Variants in BTBD7 observed in about 807,000 individuals in gnomAD.
The protein encoded by BTBD7 is BTB/POZ domain-containing protein 7.
A neutral mutation model predicts 99.9 loss-of-function variants in BTBD7; 38 were observed. That is an observed-to-expected ratio of 0.38 (90% confidence interval 0.29 to 0.50). The LOEUF (loss-of-function observed/expected upper bound fraction) is 0.50. Ranked by LOEUF, BTBD7 falls within the 20% of genes least tolerant of loss-of-function variation. BTBD7 has a pLI of 0.93. For synonymous variants in BTBD7, 520 were observed against 511.4 expected (o/e 1.02, Z -0.23); for missense variants, 1,170 against 1,394.6 (o/e 0.84, Z 2.57).
At chr14:93,321,363 C>T (rs186381729) in intron 1 of BTBD7, among the ~76,000 whole-genome samples, 10 of 152,254 alleles carry the variant, frequency 6.6e-5, no homozygotes, top group Admixed American at 4.6e-4. Flanking sequence ...GAGGCCTAGG[C>T]GGGTGGATCG....
intron 1 of BTBD7, among the ~76,000 whole-genome samples, chr14:93,311,932 T>TACTTA (rs144195514): frequency 0.38 from 57,948 of 151,048 alleles, 12,274 homozygotes; most frequent in African/African-American, 0.58. Flanking sequence ...GTTATATAAT[T>TACTTA]AAACATTTAA....
At chr14:93,312,096 C>T (rs75919970) in intron 1 of BTBD7, among the ~76,000 whole-genome samples, 6,313 of 152,084 alleles carry the variant, frequency 0.042, 442 homozygotes, top group African/African-American at 0.14. Flanking sequence ...GGCTATTATC[C>T]GTTGGTTCCC....
At chr14:93,300,257 C>CTTTTTT (rs35598735) in intron 1 of BTBD7, among the ~76,000 whole-genome samples, 1 of 119,648 alleles carries the variant, frequency 8.4e-6, no homozygotes, top group Non-Finnish European at 1.7e-5. Flanking sequence ...TTTCTTTGTT[C>CTTTTTT]TTTTTTTTTT....
chr14:93,254,601 C>T (rs1006690227), intron 6 of BTBD7, among the ~76,000 whole-genome samples: 1 of 152,166 alleles, frequency 6.6e-6, no homozygotes, highest in African/African-American at 2.4e-5. Context: ...TGGACATCTC[C>T]TTTACCTGGG....
intron 7 of BTBD7, 94 bp downstream of exon 7, chr14:93,253,553 C>T (rs1429621445): frequency 1.3e-5 from 15 of 1,139,236 alleles, no homozygotes; most frequent in Non-Finnish European, 1.8e-5. Flanking sequence ...AAAATATAGG[C>T]TATTTCCAAA....
At chr14:93,302,851 A>C (rs1407985952) in intron 1 of BTBD7, among the ~76,000 whole-genome samples, 1 of 151,958 alleles carries the variant, frequency 6.6e-6, no homozygotes, top group Non-Finnish European at 1.5e-5. Context: ...TCAAAAACAA[A>C]ACAAAAAACC....
intron 1 of BTBD7, among the ~76,000 whole-genome samples, chr14:93,331,879 T>TTCCCC (rs2053423174): frequency 3.8e-5 from 5 of 133,114 alleles, no homozygotes; most frequent in African/African-American, 1.7e-4. Context: ...AGACTCCGTC[T>TTCCCC]CCCCCCCCCC....
intron 1 of BTBD7, among the ~76,000 whole-genome samples, chr14:93,327,299 T>C (rs576181060): frequency 9.9e-5 from 15 of 152,270 alleles, no homozygotes; most frequent in Non-Finnish European, 1.5e-4. Flanking sequence ...AATGCCCCTG[T>C]GCCAGGCACA....
intron 10 of BTBD7, chr14:93,244,138 C>CAA: frequency 4.1e-6 from 2 of 481,974 alleles, no homozygotes; most frequent in Non-Finnish European, 8.2e-6. Flanking sequence ...TGACAGGAAG[C>CAA]AGAGTGACTA....
intron 3 of BTBD7, chr14:93,287,844 G>A (rs964690452): frequency 7.2e-5 from 11 of 152,176 alleles, no homozygotes; most frequent in Admixed American, 2.6e-4. Context: ...GGTTTGCTTC[G>A]TCATTTGGTG....
chr14:93,319,269 G>A (rs545142195), intron 1 of BTBD7, among the ~76,000 whole-genome samples: 1 of 152,292 alleles, frequency 6.6e-6, no homozygotes, highest in African/African-American at 2.4e-5. Context: ...TCTGGTCCTT[G>A]CAGGATGTTA....
At chr14:93,252,582 C>T (rs1356732875) in intron 7 of BTBD7, among the ~76,000 whole-genome samples, 4 of 151,444 alleles carry the variant, frequency 2.6e-5, no homozygotes, top group Non-Finnish European at 5.9e-5. Flanking sequence ...ACTAGGTTGC[C>T]CAGGCTGCTC....
intron 3 of BTBD7, among the ~76,000 whole-genome samples, chr14:93,266,955 A>G (rs2139712271): frequency 6.6e-6 from 1 of 152,320 alleles, no homozygotes; most frequent in South Asian, 2.1e-4. Flanking sequence ...TTGAGCCTTG[A>G]ATACCAAGCT....
chr14:93,289,982 T>C (rs1269930991), intron 3 of BTBD7, among the ~76,000 whole-genome samples: 3 of 150,190 alleles, frequency 2.0e-5, no homozygotes, highest in African/African-American at 2.4e-5. Context: ...TCAGCCTCCC[T>C]AGTAGCTGGG....
At chr14:93,306,482 C>A (rs2053072372) in intron 1 of BTBD7, among the ~76,000 whole-genome samples, 1 of 148,952 alleles carries the variant, frequency 6.7e-6, no homozygotes, top group African/African-American at 2.5e-5. Flanking sequence ...AGAAACAATT[C>A]AAACAGAACA....
intron 10 of BTBD7, 65 bp downstream of exon 10, chr14:93,245,760 C>T: frequency 6.5e-7 from 1 of 1,548,956 alleles, no homozygotes; most frequent in East Asian, 2.2e-5. Flanking sequence ...CTCTTGGGGC[C>T]AAGAAAATTG....
chr14:93,263,880 G>C lies in BTBD7; in HGVS notation c.1276C>G (p.Leu426Val), dbSNP rs1269492585. 2 of 1,614,172 alleles carry C rather than the reference G, an allele frequency of 1.2e-6. No individual in the cohort carries two copies. The highest frequency in any genetic ancestry group is 3.3e-5 in the Admixed American group (2 of 60,012). The change falls in exon 4 of 11, where the codon CTC (leucine) becomes GTC (valine). Residue 426 changes from leucine to valine, a missense_variant. Transcript: ENST00000334746. ...KWVHRQALHF[L>V]CEEFSQVMTS... ...ATGACCTGGGAAAATTCCTCACAGA[G>C]GAAATGTAAAGCTTGTCGGTGCACC...
chr14:93,293,816 A>C, intron 3 of BTBD7, 42 bp downstream of exon 3: 1 of 1,556,070 alleles, frequency 6.4e-7, no homozygotes. Flanking sequence ...GAAGATCAAT[A>C]CATAATTCTA....
chr14:93,311,750 T>C (rs1427677933), intron 1 of BTBD7, among the ~76,000 whole-genome samples: 2 of 151,764 alleles, frequency 1.3e-5, no homozygotes, highest in East Asian at 3.9e-4. Flanking sequence ...TTTTAATTTT[T>C]TTTTTTTTTT....
Sources: allele counts gnomAD v4.1 joint callset (sites outside exome capture counted in the v4.1 genomes callset), GRCh38; gene constraint gnomAD v4.1.1; transcripts MANE v1.5; gene names NCBI Gene and HGNC (gene_info 2026-07-23, HGNC 2026-07-21).